Variants in KLHDC4 observed in about 807,000 individuals in gnomAD.
The protein encoded by KLHDC4 is kelch domain containing 4, also known as kelch domain-containing protein 4.
A neutral mutation model predicts 62.4 loss-of-function variants in KLHDC4; 90 were observed. That is an observed-to-expected ratio of 1.44 (90% CI 1.22 to 1.72). The LOEUF is 1.72. Ranked by LOEUF, KLHDC4 falls within the 40% of genes most tolerant of loss-of-function variation. KLHDC4 has a pLI of 0.00. For synonymous variants in KLHDC4, 386 were observed against 284.4 expected, an observed-to-expected ratio of 1.36 and a Z score of -3.59; for missense variants, 1,025 against 699.7, an observed-to-expected ratio of 1.47 and a Z score of -5.25.
rs779313253 is a variant in KLHDC4 at position 87,726,755 on chromosome 16, C to A, written c.759+10G>T. The A allele has an allele frequency of 8.4e-6, 13 of 1,546,894 alleles. No homozygotes were observed. The highest frequency in any genetic ancestry group is 3.5e-4 in the Middle Eastern group (2 of 5,634). ...CCACGCCTTGCCTGTTTCCCCACCCCCCGCCTTACCTGTTTCGAGTAGCCC... is the reference window on the plus strand; with the variant it reads ...CCACGCCTTGCCTGTTTCCCCACCCACCGCCTTACCTGTTTCGAGTAGCCC... On this transcript the variant is annotated intron_variant, in intron 7 of 11. Transcript: ENST00000270583.
At chr16:87,730,499 G>C in intron 6 of KLHDC4, 53 bp downstream of exon 6, 1 of 1,378,140 alleles carries the variant, frequency 7.3e-7, no homozygotes, top group Non-Finnish European at 1.0e-6. Flanking sequence ...TCTATAAAAA[G>C]CCCACTCCTT....
At chr16:87,734,446 C>T (rs1313157832) in intron 5 of KLHDC4, among the ~76,000 whole-genome samples, 1 of 152,184 alleles carries the variant, frequency 6.6e-6, no homozygotes, top group Admixed American at 6.5e-5. Flanking sequence ...TAATTCACCA[C>T]ATCATCAGGG....
intron 5 of KLHDC4, among the ~76,000 whole-genome samples, chr16:87,731,693 A>C (rs1200264970): frequency 6.6e-6 from 1 of 152,156 alleles, no homozygotes; most frequent in Non-Finnish European, 1.5e-5. Context: ...ACAGCTTAGC[A>C]ATCTGACATA....
chr16:87,748,798 C>T lies in KLHDC4; in HGVS notation c.381G>A (p.Val127=). 1 of 1,612,516 alleles carries T rather than the reference C, an allele frequency of 6.2e-7. No individual in the cohort carries two copies. Among genetic ancestry groups the T allele is most frequent in the Non-Finnish European group, 8.5e-7 (1 of 1,179,636 alleles). ...CCCACAGCTGTCCGCCACCTTGAGG[C>T]ACTACCACCGCCTGTGAAAAGAAAG... ...PRRCAHQAVV[V]PQGGGQLWVF... is the part of the protein sequence containing the mutation. Residue 127 remains valine (V), a synonymous_variant, in exon 5 of 12, where the codon GTG becomes GTA. Coordinates refer to ENST00000270583, the MANE Select transcript of KLHDC4 (RefSeq NM_017566.4).
At position 87,755,246 on chromosome 16, in the gene KLHDC4, G is replaced by A. The variant is rs762296638; in HGVS notation, c.317C>T (p.Thr106Ile). 1 of 1,611,886 alleles carries A rather than the reference G, an allele frequency of 6.2e-7. No homozygotes were observed. The highest frequency in any genetic ancestry group is 8.5e-7 in the Non-Finnish European group (1 of 1,178,068). The change falls in exon 4 of 12, where the codon ACC becomes ATC. Residue 106 changes from threonine (T) to isoleucine (I), a missense_variant. Coordinates refer to ENST00000270583, the MANE Select transcript of KLHDC4 (RefSeq NM_017566.4). ...ACTGGGGATGTCAACTTTGGTCCAG[G>A]TGTCCTTTCTGGTATTGTAGACATA... ...ELYVYNTRKD[T>I]WTKVDIPSPP... is the part of the protein sequence containing the mutation.
At chr16:87,741,493 G>C (rs182326956) in intron 5 of KLHDC4, among the ~76,000 whole-genome samples, 1 of 152,318 alleles carries the variant, frequency 6.6e-6, no homozygotes, top group East Asian at 1.9e-4. Flanking sequence ...TAGGTTGTGA[G>C]CTCCTTAGGA....
At position 87,711,453 on chromosome 16, in the gene KLHDC4, G is replaced by A. The variant is rs1294116495; in HGVS notation, c.836-10C>T. ...GTCCAAACCCACTTGTCTGTCAAAAGAGAACAAGGAAGTGGGATAAGAACA... is the reference window on the plus strand; with the variant it reads ...GTCCAAACCCACTTGTCTGTCAAAAAAGAACAAGGAAGTGGGATAAGAACA... On this transcript the variant is annotated splice_polypyrimidine_tract_variant and intron_variant, in intron 8 of 11. Coordinates refer to ENST00000270583, the MANE Select transcript of KLHDC4 (RefSeq NM_017566.4). The A allele has an allele frequency of 3.7e-6, 6 of 1,601,380 alleles. No individual in the cohort carries two copies. In the African/African-American group the frequency reaches 8.0e-5, roughly 21 times the overall value.
Position 87,744,988 on chromosome 16 carries a change from C to CA in KLHDC4, c.506+3684_506+3685insT, listed in dbSNP as rs1555590895. On this transcript the variant is annotated intron_variant, in intron 5 of 11. Transcript: ENST00000270583. ...ACACATGCAATCATCTGCACACACG[C>CA]GGTGCACACACGTGTACACATGCAG... 2.6e-3 allele frequency among the ~76,000 whole-genome samples: 396 copies of CA among 151,930 alleles called. 3 individuals carry two copies. Among genetic ancestry groups the CA allele is most frequent in the East Asian group, 0.017 (87 of 5,146 alleles).
At chr16:87,764,342 A>T (rs947405046) in intron 1 of KLHDC4, among the ~76,000 whole-genome samples, 4 of 152,108 alleles carry the variant, frequency 2.6e-5, no homozygotes, top group Non-Finnish European at 5.9e-5. Flanking sequence ...GGAGACATGG[A>T]GATGAGTAAA....
intron 7 of KLHDC4, among the ~76,000 whole-genome samples, chr16:87,716,168 G>A (rs931891683): frequency 2.7e-5 from 4 of 150,116 alleles, no homozygotes; most frequent in African/African-American, 7.3e-5. Flanking sequence ...GCTATGTCTC[G>A]TGGATATTGA....
chr16:87,719,311 T>A (rs1309818834), intron 7 of KLHDC4, among the ~76,000 whole-genome samples: 1 of 152,272 alleles, frequency 6.6e-6, no homozygotes, highest in African/African-American at 2.4e-5. Context: ...GACTCCATTT[T>A]GTTCTGTACT....
Position 87,758,761 on chromosome 16 carries a change from A to G in KLHDC4, c.192-2284T>C, listed in dbSNP as rs76821697. 4.7e-3 allele frequency among the ~76,000 whole-genome samples: 714 copies of G among 152,372 alleles called. 9 individuals are homozygous for G. Among genetic ancestry groups the G allele is most frequent in the African/African-American group, 0.017 (689 of 41,584 alleles). ...TCGAAGCTGTCCTGGGCCACCAGTT[A>G]GACAAGGTTGGTCTAGAGTTTCTAT... On this transcript the variant is annotated intron_variant, in intron 2 of 11. Coordinates refer to ENST00000270583, the MANE Select transcript of KLHDC4 (RefSeq NM_017566.4).
intron 5 of KLHDC4, among the ~76,000 whole-genome samples, chr16:87,735,248 A>C (rs1185130312): frequency 2.6e-5 from 4 of 151,060 alleles, no homozygotes; most frequent in Non-Finnish European, 5.9e-5. Context: ...TGCAGTGAGC[A>C]GAGATCGCAC....
At chr16:87,710,524 G>A (rs574150040) in intron 9 of KLHDC4, 18 of 152,390 alleles carry the variant, frequency 1.2e-4, no homozygotes, top group South Asian at 4.1e-4. Context: ...TGTGAGAACC[G>A]TGACACTAGC....
At chr16:87,710,981 G>A (rs887278690) in intron 9 of KLHDC4, 1 of 495,772 alleles carries the variant, frequency 2.0e-6, no homozygotes, top group Non-Finnish European at 3.6e-6. Context: ...GAGGTCCCGG[G>A]CACCTCAGCC....
chr16:87,736,669 A>T (rs1396422374), intron 5 of KLHDC4, among the ~76,000 whole-genome samples: 2 of 152,212 alleles, frequency 1.3e-5, no homozygotes, highest in Admixed American at 6.5e-5. Flanking sequence ...CGTCTCCAGA[A>T]TTCAGGCAAC....
intron 4 of KLHDC4, among the ~76,000 whole-genome samples, chr16:87,752,191 G>A (rs1597349986): frequency 6.7e-6 from 1 of 148,264 alleles, no homozygotes; most frequent in Non-Finnish European, 1.5e-5. Context: ...AGGATCGTTT[G>A]AGCCCAGGAG....
intron 5 of KLHDC4, among the ~76,000 whole-genome samples, chr16:87,732,868 CAGGTG>C (rs2040632434): frequency 6.7e-6 from 1 of 148,460 alleles, no homozygotes; most frequent in African/African-American, 2.5e-5. Context: ...GGTGAAAAGG[CAGGTG>C]CAAAGCAAAT....
At chr16:87,707,343 T>C (rs1375386758), downstream of KLHDC4, among the ~76,000 whole-genome samples, 1 of 152,170 alleles carries the variant, frequency 6.6e-6, no homozygotes, top group African/African-American at 2.4e-5. Context: ...ATGCTAATCC[T>C]AAACCCTAAA....
Sources: allele counts gnomAD v4.1 joint callset (sites outside exome capture counted in the v4.1 genomes callset), GRCh38; gene constraint gnomAD v4.1.1; transcripts MANE v1.5; gene names NCBI Gene and HGNC (gene_info 2026-07-23, HGNC 2026-07-21).